MFSD11: variants seen among roughly 807,000 people sequenced by gnomAD.
MFSD11 encodes the protein major facilitator superfamily domain containing 11.
In MFSD11, 36 loss-of-function variants were observed where a neutral mutation model predicts 53.5. The ratio of observed to expected loss-of-function variants is 0.67; its 90% CI spans 0.52 to 0.89. MFSD11 has a LOEUF of 0.89. Among genes scored for constraint, MFSD11 ranks in the 40% least tolerant of loss-of-function variants. The pLI is 0.00. For missense variants in MFSD11, 530 were observed against 543.9 expected (o/e 0.97, Z 0.25); for synonymous variants, 186 against 184.9 (o/e 1.01, Z -0.05).
chr17:76,756,838 C>T (rs1324222421), intron 8 of MFSD11, among the ~76,000 whole-genome samples: 9 of 145,398 alleles, frequency 6.2e-5, no homozygotes, highest in South Asian at 2.2e-4. Flanking sequence ...CCAGCCTGGG[C>T]GACAGAGTGA....
rs1452130009 is a variant in MFSD11, at chr17:76,767,384, A to C, written c.683-2A>C. On this transcript the variant is annotated splice_acceptor_variant, in intron 8 of 12. Transcript: ENST00000685175. LOFTEE classifies it high-confidence loss of function. ...AGTACTCTTAAATTTTTGTGTTTAC[A>C]GAAAAGTCTTTTAAGTTATGTGTCA... 1 of 1,584,260 alleles carries C rather than the reference A, an allele frequency of 6.3e-7. No homozygotes were observed. The highest frequency in any genetic ancestry group is 8.6e-7 in the Non-Finnish European group (1 of 1,156,606).
the MFSD11 span, among the ~76,000 whole-genome samples, chr17:76,788,165 T>C: frequency 1.3e-5 from 2 of 148,614 alleles, no homozygotes; most frequent in African/African-American, 4.9e-5. Flanking sequence ...CTCAGCCTCC[T>C]GTGTAGCTGG....
chr17:76,752,397 ATTT>A (rs201402482), intron 7 of MFSD11, among the ~76,000 whole-genome samples: 3 of 138,474 alleles, frequency 2.2e-5, no homozygotes, highest in Non-Finnish European at 1.6e-5. Context: ...AAAGTCAGGG[ATTT>A]TTTTTTTTTT....
At chr17:76,749,330 C>A (rs1254564320) in intron 7 of MFSD11, among the ~76,000 whole-genome samples, 4 of 151,090 alleles carry the variant, frequency 2.6e-5, no homozygotes, top group African/African-American at 9.7e-5. Flanking sequence ...TTGAGATTAG[C>A]CTGAGCAACA....
chr17:76,740,204 A>G (rs1292752843), intron 2 of MFSD11, among the ~76,000 whole-genome samples: 1 of 152,038 alleles, frequency 6.6e-6, no homozygotes, highest in Non-Finnish European at 1.5e-5. Context: ...GAACAAATGC[A>G]AAAACACATT....
rs1183193664 is a variant in MFSD11, at chr17:76,778,917, C to G, written c.*565C>G. 1 of 153,316 alleles carries G rather than the reference C, an allele frequency of 6.5e-6. No homozygotes were observed. The highest frequency in any genetic ancestry group is 2.4e-5 in the African/African-American group (1 of 41,402). 9.5% of individuals were successfully genotyped at this position (153,316 alleles called of 1,614,324 possible). ...AGGCTGCGGTGAGCTATGATCACACCACTGCACTCCAGGCTGGGCAACAGA... is the reference window on the plus strand; with the variant it reads ...AGGCTGCGGTGAGCTATGATCACACGACTGCACTCCAGGCTGGGCAACAGA... On this transcript the variant is annotated 3_prime_UTR_variant, in exon 13 of 13. Transcript: ENST00000685175.
At chr17:76,744,207 A>G (rs2144183496) in intron 6 of MFSD11, 115 bp from the exon 7 acceptor site, 1 of 998,328 alleles carries the variant, frequency 1.0e-6, no homozygotes. Flanking sequence ...CTGATGCATT[A>G]AAGTAAAAAT....
rs942682983 is a variant in MFSD11, at chr17:76,778,063, G to A, written c.1186-125G>A. 1.3e-5 allele frequency: 11 copies of A among 848,798 alleles called. No individual in the cohort carries two copies. The African/African-American group carries it at 1.9e-4, about 14-fold the overall frequency. The allele number at this position is 848,798 out of a possible 1,614,324, so 52.6% of individuals were successfully genotyped here. A position where few individuals can be genotyped will look rare whatever the true frequency, so the allele number is the denominator to read the frequency against. Reference sequence around the variant, plus strand: ...ACTGAGGAAGTCATACCTTGATGCAGAAAGAATAGAAAGCACTGTGAGTTC... The same window carrying A: ...ACTGAGGAAGTCATACCTTGATGCAAAAAGAATAGAAAGCACTGTGAGTTC... On this transcript the variant is annotated intron_variant, in intron 12 of 12. Coordinates refer to ENST00000685175, the MANE Select transcript of MFSD11 (RefSeq NM_001242532.5).
intron 8 of MFSD11, among the ~76,000 whole-genome samples, chr17:76,765,137 G>A (rs1179756814): frequency 2.0e-5 from 3 of 152,028 alleles, no homozygotes; most frequent in Non-Finnish European, 4.4e-5. Flanking sequence ...TTTAGTTTTA[G>A]CTCTTACATT....
At chr17:76,739,952 G>A (rs2077895504) in intron 2 of MFSD11, among the ~76,000 whole-genome samples, 1 of 151,804 alleles carries the variant, frequency 6.6e-6, no homozygotes, top group Non-Finnish European at 1.5e-5. Flanking sequence ...GGATCACGAG[G>A]TCAGGAGATC....
At chr17:76,802,771 G>T in the MFSD11 span, among the ~76,000 whole-genome samples, 1 of 151,852 alleles carries the variant, frequency 6.6e-6, no homozygotes, top group African/African-American at 2.4e-5. Flanking sequence ...CCCAGCTACC[G>T]CATGAGTACA....
upstream of MFSD11, chr17:76,737,418 C>T (rs1037344737): frequency 1.8e-5 from 8 of 438,766 alleles, no homozygotes; most frequent in Non-Finnish European, 2.8e-5. Flanking sequence ...TTCTGATTGG[C>T]CCACCGCGCC....
At chr17:76,755,387 G>C (rs4788945) in intron 8 of MFSD11, among the ~76,000 whole-genome samples, 137,228 of 152,102 alleles carry the variant, frequency 0.9, 63,529 homozygotes, top group Non-Finnish European at 1. Flanking sequence ...ATCTGACTGG[G>C]GCAGTTATTC....
the MFSD11 span, among the ~76,000 whole-genome samples, chr17:76,801,182 C>T: frequency 2.6e-5 from 4 of 151,100 alleles, no homozygotes; most frequent in Non-Finnish European, 5.9e-5. Context: ...ACTTGAGGCC[C>T]GGAGTTCGTG....
At chr17:76,753,808 T>A (rs556228913) in intron 7 of MFSD11, among the ~76,000 whole-genome samples, 1 of 152,054 alleles carries the variant, frequency 6.6e-6, no homozygotes, top group African/African-American at 2.4e-5. Flanking sequence ...ATAAGTGTAA[T>A]CTGAAAGAAT....
At position 76,743,419 on chromosome 17, in the gene MFSD11, C is replaced by T; in HGVS notation, c.459C>T (p.Tyr153=). 1 of 1,583,618 alleles carries T rather than the reference C, an allele frequency of 6.3e-7. No homozygotes were observed. The highest frequency in any genetic ancestry group is 8.6e-7 in the Non-Finnish European group (1 of 1,167,030). Residue 153 remains tyrosine (Y), a synonymous_variant, in exon 6 of 13, where the codon TAC becomes TAT. Transcript: ENST00000685175. ...CCAGCTTGTTCTTTGGAAATCTCTA[C>T]ATATATTTTGCCTGGCAAGGGAAAA... ...LQSSLFFGNL[Y]IYFAWQGKTQ...
chr17:76,775,321 T>A, intron 11 of MFSD11, 150 bp downstream of exon 11: 3 of 605,996 alleles, frequency 5.0e-6, no homozygotes, highest in Non-Finnish European at 5.4e-6. Flanking sequence ...AGACTGAGTT[T>A]AAATAGGAAT....
chr17:76,744,787 A>C (rs947434856), intron 7 of MFSD11, among the ~76,000 whole-genome samples: 1 of 152,146 alleles, frequency 6.6e-6, no homozygotes, highest in African/African-American at 2.4e-5. Context: ...ATATGTTTCC[A>C]TGGGCAAGGA....
At chr17:76,795,537 A>T in the MFSD11 span, among the ~76,000 whole-genome samples, 2 of 152,072 alleles carry the variant, frequency 1.3e-5, no homozygotes, top group Admixed American at 1.3e-4. Context: ...TGTAGGTTAT[A>T]TGCAAATACT....
Sources: gnomAD v4.1 joint callset for allele counts (sites outside exome capture counted in the v4.1 genomes callset) on GRCh38, gnomAD v4.1.1 for gene constraint, MANE v1.5 for transcripts, NCBI Gene and HGNC (gene_info 2026-07-23, HGNC 2026-07-21) for gene names.